The following RBFOX1 variants were observed in gnomAD, a reference collection of about 807,000 sequenced individuals.
RBFOX1 encodes RNA binding protein fox-1 homolog 1.
A neutral mutation model predicts 57.7 loss-of-function variants in RBFOX1; 8 were observed. The ratio of observed to expected loss-of-function variants is 0.14; its 90% CI spans 0.08 to 0.25. The LOEUF is 0.25. RBFOX1 is among the 10% of genes least tolerant of loss of function. The pLI is 1.00. For missense variants in RBFOX1, 611 were observed against 548.5 expected (o/e 1.11, Z -1.14); for synonymous variants, 326 against 222.4 (o/e 1.47, Z -4.15).
intron 4 of RBFOX1, among the ~76,000 whole-genome samples, chr16:7,286,735 C>T (rs969113396): frequency 2.2e-4 from 34 of 151,332 alleles, no homozygotes; most frequent in South Asian, 1.3e-3. Context: ...ACCATTCTCC[C>T]GCCTCAGCCT....
At chr16:6,579,660 T>A (rs2097504516) in intron 2 of RBFOX1, among the ~76,000 whole-genome samples, 1 of 152,212 alleles carries the variant, frequency 6.6e-6, no homozygotes, top group Non-Finnish European at 1.5e-5. Flanking sequence ...CATGCTGAAC[T>A]GTGAGTCAGT....
intron 2 of RBFOX1, among the ~76,000 whole-genome samples, chr16:6,450,308 T>A (rs2094563723): frequency 6.6e-6 from 1 of 152,090 alleles, no homozygotes; most frequent in South Asian, 2.1e-4. Flanking sequence ...AGAGAGTGGG[T>A]TAGTCACTTA....
At chr16:7,391,381 A>G (rs1471431778) in intron 4 of RBFOX1, among the ~76,000 whole-genome samples, 1 of 152,210 alleles carries the variant, frequency 6.6e-6, no homozygotes, top group Non-Finnish European at 1.5e-5. Flanking sequence ...TACCAATTAT[A>G]GGGGTAGCTG....
chr16:6,447,859 C>A (rs1434987471), intron 2 of RBFOX1, among the ~76,000 whole-genome samples: 3 of 152,100 alleles, frequency 2.0e-5, no homozygotes, highest in Non-Finnish European at 4.4e-5. Flanking sequence ...AGACAGCCGT[C>A]CAATCGGAGT....
chr16:5,989,047 G>A (rs968105205), intron 4 of RBFOX1, among the ~76,000 whole-genome samples: 16 of 152,046 alleles, frequency 1.1e-4, no homozygotes, highest in East Asian at 5.8e-4. Context: ...CAAGCCAGGC[G>A]CGGTGGCTCA....
intron 1 of RBFOX1, among the ~76,000 whole-genome samples, chr16:5,333,980 A>C (rs1327874490): frequency 3.0e-4 from 45 of 152,224 alleles, no homozygotes. Context: ...AGAGGAAAGG[A>C]ACACAAAAAG....
intron 3 of RBFOX1, among the ~76,000 whole-genome samples, chr16:6,918,300 AAC>A (rs1205815844): frequency 6.6e-6 from 1 of 151,528 alleles, no homozygotes; most frequent in Non-Finnish European, 1.5e-5. Flanking sequence ...AAAAAAAGGA[AAC>A]ACACATTTGG....
intron 5 of RBFOX1, among the ~76,000 whole-genome samples, chr16:7,567,699 A>G (rs1040988412): frequency 7.3e-6 from 1 of 137,630 alleles, no homozygotes; most frequent in African/African-American, 2.8e-5. Context: ...ATATATCCCT[A>G]TATATAATCC....
chr16:5,939,308 A>G (rs1412930284), intron 4 of RBFOX1, among the ~76,000 whole-genome samples: 1 of 152,240 alleles, frequency 6.6e-6, no homozygotes, highest in African/African-American at 2.4e-5. Context: ...AAAACAACGG[A>G]TAGTTATTAT....
chr16:7,699,440 C>T (rs1442333218), intron 14 of RBFOX1, among the ~76,000 whole-genome samples: 1 of 152,178 alleles, frequency 6.6e-6, no homozygotes, highest in East Asian at 1.9e-4. Flanking sequence ...CATCCTGCCC[C>T]TTTGGCCTAC....
chr16:7,444,205 A>G (rs747863907), intron 4 of RBFOX1, among the ~76,000 whole-genome samples: 11 of 152,202 alleles, frequency 7.2e-5, no homozygotes, highest in Non-Finnish European at 1.5e-4. Flanking sequence ...GTCTCATGTA[A>G]ATATCTTCTG....
At chr16:7,212,334 G>A (rs2152795672) in intron 4 of RBFOX1, among the ~76,000 whole-genome samples, 1 of 152,282 alleles carries the variant, frequency 6.6e-6, no homozygotes, top group East Asian at 1.9e-4. Context: ...CCTACCCTCA[G>A]GAAAGTATTC....
At chr16:7,232,515 C>T (rs899691255) in intron 4 of RBFOX1, among the ~76,000 whole-genome samples, 5 of 152,092 alleles carry the variant, frequency 3.3e-5, no homozygotes, top group Non-Finnish European at 5.9e-5. Flanking sequence ...CTTGTACCCA[C>T]GTAATTCTTA....
intron 3 of RBFOX1, among the ~76,000 whole-genome samples, chr16:6,925,684 A>C (rs2153462493): frequency 6.6e-6 from 1 of 152,146 alleles, no homozygotes; most frequent in Non-Finnish European, 1.5e-5. Flanking sequence ...TAACAGCTTG[A>C]TATTTGAGCA....
At chr16:6,976,651 TTATA>T (rs982358928) in intron 3 of RBFOX1, among the ~76,000 whole-genome samples, 3 of 149,904 alleles carry the variant, frequency 2.0e-5, no homozygotes, top group African/African-American at 7.3e-5. Flanking sequence ...GGTACAATGT[TTATA>T]TATATATGAT....
intron 4 of RBFOX1, among the ~76,000 whole-genome samples, chr16:5,897,944 A>G (rs904998605): frequency 6.6e-6 from 1 of 151,932 alleles, no homozygotes; most frequent in African/African-American, 2.4e-5. Flanking sequence ...AGTTTAGGTA[A>G]TGACTTCTGG....
At chr16:7,261,268 G>T (rs913160135) in intron 4 of RBFOX1, among the ~76,000 whole-genome samples, 1 of 152,174 alleles carries the variant, frequency 6.6e-6, no homozygotes, top group African/African-American at 2.4e-5. Flanking sequence ...AAAGGAGACA[G>T]TATATGATGT....
intron 3 of RBFOX1, among the ~76,000 whole-genome samples, chr16:5,849,667 T>C (rs1022942099): frequency 1.3e-4 from 20 of 152,308 alleles, no homozygotes; most frequent in African/African-American, 4.8e-4. Flanking sequence ...TCCTGTTGCG[T>C]GGCCCCCTCA....
chr16:6,514,791 A>G (rs1467332532), intron 2 of RBFOX1, among the ~76,000 whole-genome samples: 2 of 152,126 alleles, frequency 1.3e-5, no homozygotes, highest in Non-Finnish European at 2.9e-5. Context: ...AAAGTGATGG[A>G]GAAAAATGGT....
Sources: allele counts gnomAD v4.1 joint callset (sites outside exome capture counted in the v4.1 genomes callset), GRCh38; gene constraint gnomAD v4.1.1; transcripts MANE v1.5; gene names NCBI Gene and HGNC (gene_info 2026-07-23, HGNC 2026-07-21).